RNF138: variants seen among roughly 807,000 people sequenced by gnomAD.
The protein encoded by RNF138 is ring finger protein 138.
A neutral mutation model predicts 31.0 loss-of-function variants in RNF138; 12 were observed. The ratio of observed to expected loss-of-function variants is 0.39; its 90% CI spans 0.25 to 0.63. The LOEUF is 0.63. Ranked by LOEUF, RNF138 falls within the 20% of genes least tolerant of loss-of-function variation. The pLI is 0.52. For missense variants in RNF138, 192 were observed against 300.1 expected (o/e 0.64, Z 2.66); for synonymous variants, 105 against 99.5 (o/e 1.06, Z -0.33).
Position 32,092,749 on chromosome 18 carries a change from C to T in RNF138, c.-28C>T, listed in dbSNP as rs1471073543. ...GTCACCTCGGCCGCTGCCGCTGTCGCCATCGCCTTGTTTCCCCATCCCCCG... is the reference window on the plus strand; with the variant it reads ...GTCACCTCGGCCGCTGCCGCTGTCGTCATCGCCTTGTTTCCCCATCCCCCG... On this transcript the variant is annotated 5_prime_UTR_variant, in exon 2 of 8. Coordinates refer to ENST00000261593, the MANE Select transcript of RNF138 (RefSeq NM_016271.5). The T allele has an allele frequency of 1.2e-5, 17 of 1,455,950 alleles. No individual in the cohort carries two copies. The East Asian group carries it at 1.5e-4, about 13-fold the overall frequency. The allele number at this position is 1,455,950 out of a possible 1,614,324, so 90.2% of individuals were successfully genotyped here.
intron 4 of RNF138, among the ~76,000 whole-genome samples, chr18:32,119,325 CTG>C (rs1320913568): frequency 5.3e-4 from 81 of 152,278 alleles, no homozygotes; most frequent in Non-Finnish European, 1.3e-4. Flanking sequence ...GTCTCAAACT[CTG>C]GGGATCAAAC....
At chr18:32,107,176 A>G (rs570314119) in intron 2 of RNF138, among the ~76,000 whole-genome samples, 60 of 129,276 alleles carry the variant, frequency 4.6e-4, no homozygotes, top group Middle Eastern at 9.5e-3. Flanking sequence ...GCTGGAGTGC[A>G]GTGGCGCGAT....
intron 4 of RNF138, among the ~76,000 whole-genome samples, chr18:32,118,829 CA>C (rs1228697206): frequency 5.4e-5 from 8 of 149,362 alleles, no homozygotes; most frequent in East Asian, 3.9e-4. Context: ...GACTCCGTCT[CA>C]AAAAAAAAGA....
In RNF138 at chr18:32,129,396, G is replaced by A. The variant is rs1006558530; in HGVS notation, c.*209G>A. 4 of 448,374 alleles carry A rather than the reference G, an allele frequency of 8.9e-6. No individual in the cohort carries two copies. The highest frequency in any genetic ancestry group is 7.8e-5 in the African/African-American group (4 of 51,262). 27.8% of individuals were successfully genotyped at this position (448,374 alleles called of 1,614,324 possible). ...GAAAGTTATGACATTAGCTTTAAAG[G>A]TGTAAAAAAGATGTTTCACTAATGT... On this transcript the variant is annotated 3_prime_UTR_variant, in exon 8 of 8. Transcript: ENST00000261593.
chr18:32,100,418 C>G (rs2039910259), intron 2 of RNF138, among the ~76,000 whole-genome samples: 1 of 150,620 alleles, frequency 6.6e-6, no homozygotes, highest in Non-Finnish European at 1.5e-5. Flanking sequence ...CCCCTTTAGC[C>G]TTCCCAGTAG....
chr18:32,124,286 T>TA (rs1198019974), intron 5 of RNF138: 6 of 153,574 alleles, frequency 3.9e-5, no homozygotes, highest in African/African-American at 7.2e-5. Context: ...TAGGGCCTGG[T>TA]ATTTATTAGA....
Position 32,128,464 on chromosome 18 carries a change from G to A in RNF138, c.670-655G>A, listed in dbSNP as rs1021616546. ...GAGGCACAAGAATTGCTTGAGCCCA[G>A]GAGGTGGAGGTTGCAGTGAGCCAAG... On this transcript the variant is annotated intron_variant, in intron 7 of 7. Transcript: ENST00000261593. Among the ~76,000 whole-genome samples the A allele has an allele frequency of 8.5e-5, 13 of 152,146 alleles. No homozygotes were observed. In the East Asian group the frequency reaches 2.5e-3, roughly 29 times the overall value.
At chr18:32,092,975 A>G (rs1362596834) in intron 2 of RNF138, 89 bp downstream of exon 2, 1 of 669,000 alleles carries the variant, frequency 1.5e-6, no homozygotes, top group Non-Finnish European at 2.3e-6. Context: ...GCCTGGCGGG[A>G]ACCGAGCCCG....
chr18:32,123,635 T>A, intron 5 of RNF138, 61 bp downstream of exon 5: 2 of 1,109,622 alleles, frequency 1.8e-6, no homozygotes. Flanking sequence ...ACTTATCAAA[T>A]AGCTTTTTAA....
rs200719006 is a variant in RNF138 at position 32,107,122 on chromosome 18, T to C, written c.111-4632T>C. On this transcript the variant is annotated intron_variant, in intron 2 of 7. Transcript: ENST00000261593. ...AATTCACTTTCCTTTTTTCCTTTTT[T>C]TTTTTTTTTTTTTTTGGAGACGGAA... Among the ~76,000 whole-genome samples the C allele has an allele frequency of 3.7e-5, 5 of 136,118 alleles. No individual in the cohort carries two copies. In the East Asian group the frequency reaches 6.1e-4, roughly 17 times the overall value. 89.3% of individuals were successfully genotyped at this position (136,118 alleles called of 152,430 possible).
At chr18:32,098,150 C>A (rs894464941) in intron 2 of RNF138, among the ~76,000 whole-genome samples, 5 of 151,692 alleles carry the variant, frequency 3.3e-5, no homozygotes, top group African/African-American at 1.2e-4. Context: ...TCACGCCCTG[C>A]TAATTTTTTG....
At chr18:32,118,939 T>C (rs1490729318) in intron 4 of RNF138, among the ~76,000 whole-genome samples, 2 of 152,256 alleles carry the variant, frequency 1.3e-5, no homozygotes, top group Non-Finnish European at 2.9e-5. Flanking sequence ...CATAGAAAAG[T>C]ATTTACATGT....
In RNF138 at chr18:32,111,735, G is replaced by A; in HGVS notation, c.111-19G>A. 1 of 1,600,378 alleles carries A rather than the reference G, an allele frequency of 6.2e-7. No individual in the cohort carries two copies. The highest frequency in any genetic ancestry group is 8.5e-7 in the Non-Finnish European group (1 of 1,174,024). Reference sequence around the variant, plus strand: ...GAGTAATTTTTTTTGTAATTAATGTGTCACAATGTTTGGTTTAGTTTCTGT... The same window carrying A: ...GAGTAATTTTTTTTGTAATTAATGTATCACAATGTTTGGTTTAGTTTCTGT... On this transcript the variant is annotated intron_variant, in intron 2 of 7. Transcript: ENST00000261593.
chr18:32,106,572 A>G (rs562756059), intron 2 of RNF138, among the ~76,000 whole-genome samples: 41 of 150,008 alleles, frequency 2.7e-4, no homozygotes, highest in Admixed American at 1.5e-3. Context: ...TTATTTATTT[A>G]TTTGTTTATT....
chr18:32,123,616 AT>A (rs2040340056), intron 5 of RNF138, 42 bp downstream of exon 5: 1 of 1,245,512 alleles, frequency 8.0e-7, no homozygotes, highest in African/African-American at 1.6e-5. Flanking sequence ...AAGTAATATT[AT>A]ATTTATCACT....
At chr18:32,093,155 T>G (rs2039737802) in intron 2 of RNF138, among the ~76,000 whole-genome samples, 3 of 151,958 alleles carry the variant, frequency 2.0e-5, no homozygotes, top group African/African-American at 4.8e-5. Context: ...TCTCCCTGGC[T>G]TTCGCGCCCC....
intron 4 of RNF138, among the ~76,000 whole-genome samples, chr18:32,121,860 T>G (rs1410129398): frequency 6.6e-5 from 10 of 152,122 alleles, no homozygotes; most frequent in African/African-American, 2.4e-4. Flanking sequence ...TTAATAGTCT[T>G]CTATTTAGGT....
intron 2 of RNF138, among the ~76,000 whole-genome samples, chr18:32,100,842 C>T (rs780009349): frequency 1.3e-5 from 2 of 152,112 alleles, no homozygotes; most frequent in Non-Finnish European, 2.9e-5. Context: ...TGAGCTCAAG[C>T]GATCTGCTCG....
intron 4 of RNF138, among the ~76,000 whole-genome samples, chr18:32,117,015 C>T (rs1435416328): frequency 2.0e-5 from 3 of 152,190 alleles, no homozygotes; most frequent in Admixed American, 2.0e-4. Flanking sequence ...GATTCTCCTG[C>T]CTAAGCCTCC....
Sources: gnomAD v4.1 joint callset for allele counts (sites outside exome capture counted in the v4.1 genomes callset) on GRCh38, gnomAD v4.1.1 for gene constraint, MANE v1.5 for transcripts, NCBI Gene and HGNC (gene_info 2026-07-23, HGNC 2026-07-21) for gene names.